Variants in CNTN3 observed in about 807,000 individuals in gnomAD.
The protein encoded by CNTN3 is contactin 3.
Under a neutral mutation model 119.1 loss-of-function variants are expected in CNTN3, and 60 were observed. The observed-to-expected ratio is 0.50, with a 90% CI of 0.41 to 0.62. The LOEUF (loss-of-function observed/expected upper bound fraction) is 0.62. Among genes scored for constraint, CNTN3 ranks in the 20% least tolerant of loss-of-function variants. The pLI is 0.00. For synonymous variants in CNTN3, 450 were observed against 438.7 expected (o/e 1.03, Z -0.32); for missense variants, 1,101 against 1,242.4 (o/e 0.89, Z 1.71).
At chr3:74,536,916 G>C (rs545155022) in intron 1 of CNTN3, among the ~76,000 whole-genome samples, 2 of 151,920 alleles carry the variant, frequency 1.3e-5, no homozygotes, top group Admixed American at 1.3e-4. Context: ...TGAGCTGCCA[G>C]GTGCCTACCC....
chr3:74,278,472 A>T (rs1308065142), intron 20 of CNTN3, among the ~76,000 whole-genome samples: 1 of 152,148 alleles, frequency 6.6e-6, no homozygotes, highest in African/African-American at 2.4e-5. Flanking sequence ...CAGCCAACTG[A>T]TCTCCAACAA....
chr3:74,536,612 T>C (rs1393375743), intron 1 of CNTN3, among the ~76,000 whole-genome samples: 1 of 152,132 alleles, frequency 6.6e-6, no homozygotes, highest in East Asian at 1.9e-4. Flanking sequence ...GTAATAAATA[T>C]GCTCCTGGAA....
intron 13 of CNTN3, among the ~76,000 whole-genome samples, chr3:74,305,100 A>T (rs492286): frequency 0.41 from 63,077 of 152,124 alleles, 15,855 homozygotes; most frequent in East Asian, 0.72. Flanking sequence ...CACATGGCCC[A>T]TGCTTTCTAG....
At position 74,353,912 on chromosome 3, in the gene CNTN3, C is replaced by T. The variant is rs188107378; in HGVS notation, c.1364+7978G>A. Among the ~76,000 whole-genome samples the T allele has an allele frequency of 3.3e-5, 5 of 152,116 alleles. No individual in the cohort carries two copies. In the South Asian group the frequency reaches 1.0e-3, roughly 32 times the overall value. On this transcript the variant is annotated intron_variant, in intron 11 of 22. Transcript: ENST00000263665. Reference sequence around the variant, plus strand: ...ATCATGGGCTACAGCAGGTCCCTCACCCCAAAAATCCTTCTGTGTCCCTGA... The same window carrying T: ...ATCATGGGCTACAGCAGGTCCCTCATCCCAAAAATCCTTCTGTGTCCCTGA...
At chr3:74,325,962 A>C (rs927245706) in intron 13 of CNTN3, among the ~76,000 whole-genome samples, 1 of 152,124 alleles carries the variant, frequency 6.6e-6, no homozygotes, top group Non-Finnish European at 1.5e-5. Flanking sequence ...AACTATTCTT[A>C]TCCCTACTTG....
At chr3:74,292,565 C>T (rs1702253320) in intron 19 of CNTN3, among the ~76,000 whole-genome samples, 1 of 152,090 alleles carries the variant, frequency 6.6e-6, no homozygotes, top group African/African-American at 2.4e-5. Flanking sequence ...AAAACTCCGT[C>T]TCAAAAATAA....
chr3:74,285,888 G>A (rs1249601978), intron 19 of CNTN3, among the ~76,000 whole-genome samples: 8 of 142,814 alleles, frequency 5.6e-5, no homozygotes, highest in African/African-American at 1.8e-4. Flanking sequence ...CCAATTTTCT[G>A]TAAGTATTGC....
intron 5 of CNTN3, among the ~76,000 whole-genome samples, chr3:74,411,221 A>AG (rs1379606397): frequency 2.6e-5 from 4 of 151,950 alleles, no homozygotes; most frequent in African/African-American, 4.8e-5. Context: ...TAGGTAAAAA[A>AG]AAAGTCACTC....
At chr3:74,471,185 G>A (rs1306937946) in intron 4 of CNTN3, among the ~76,000 whole-genome samples, 1 of 152,086 alleles carries the variant, frequency 6.6e-6, no homozygotes, top group African/African-American at 2.4e-5. Context: ...TCACACACCA[G>A]GGCCTGTGCA....
At chr3:74,488,244 C>T (rs1278767383) in intron 3 of CNTN3, among the ~76,000 whole-genome samples, 1 of 151,970 alleles carries the variant, frequency 6.6e-6, no homozygotes, top group Admixed American at 6.6e-5. Context: ...TCCAGAGTAG[C>T]TGGGACTACA....
chr3:74,298,113 T>G lies in CNTN3; in HGVS notation c.2245A>C (p.Ile749Leu). The G allele has an allele frequency of 6.2e-7, 1 of 1,613,848 alleles. No individual in the cohort carries two copies. Among genetic ancestry groups the G allele is most frequent in the African/African-American group, 1.3e-5 (1 of 75,026 alleles). ...AFRPLGVTTW[I>L]QTVVTSPDTP... Reference sequence around the variant, plus strand: ...TCAGGGGATGTCACCACTGTCTGGATCCAGGTGGTAACCCCAAGAGGGCGG... The same window carrying G: ...TCAGGGGATGTCACCACTGTCTGGAGCCAGGTGGTAACCCCAAGAGGGCGG... Residue 749 changes from isoleucine to leucine, a missense_variant, in exon 18 of 23, where the codon ATC becomes CTC. Ile to Leu is a conservative substitution (Grantham distance 5, BLOSUM62 2). Coordinates refer to ENST00000263665, the MANE Select transcript of CNTN3 (RefSeq NM_020872.3).
At chr3:74,317,978 T>C (rs555195663) in intron 13 of CNTN3, among the ~76,000 whole-genome samples, 6 of 152,222 alleles carry the variant, frequency 3.9e-5, no homozygotes, top group Non-Finnish European at 7.3e-5. Flanking sequence ...TGTACACCAA[T>C]CAGACGTAGA....
chr3:74,276,008 A>C (rs1701872074), intron 20 of CNTN3, among the ~76,000 whole-genome samples: 1 of 152,192 alleles, frequency 6.6e-6, no homozygotes, highest in Admixed American at 6.5e-5. Flanking sequence ...TATATCAAAC[A>C]AAACAAACTT....
chr3:74,475,812 G>T (rs1340166130), intron 4 of CNTN3, among the ~76,000 whole-genome samples: 1 of 152,116 alleles, frequency 6.6e-6, no homozygotes, highest in Non-Finnish European at 1.5e-5. Context: ...GTCATTCACA[G>T]GTACGTGCAG....
intron 1 of CNTN3, among the ~76,000 whole-genome samples, chr3:74,553,770 T>A (rs1704029012): frequency 6.6e-6 from 1 of 152,148 alleles, no homozygotes; most frequent in African/African-American, 2.4e-5. Flanking sequence ...GTTGTTTGGT[T>A]TTTTTCTTGT....
At chr3:74,366,900 G>T (rs1306697475) in intron 8 of CNTN3, among the ~76,000 whole-genome samples, 1 of 145,454 alleles carries the variant, frequency 6.9e-6, no homozygotes, top group Non-Finnish European at 1.5e-5. Flanking sequence ...ATCAGCCTGA[G>T]ATGGAACATG....
intron 2 of CNTN3, among the ~76,000 whole-genome samples, chr3:74,509,917 T>G (rs1177902438): frequency 6.6e-6 from 1 of 151,992 alleles, no homozygotes; most frequent in Non-Finnish European, 1.5e-5. Flanking sequence ...TGTACTTGTT[T>G]TTCACTCTTA....
intron 13 of CNTN3, among the ~76,000 whole-genome samples, chr3:74,313,746 C>A (rs547225403): frequency 6.6e-6 from 1 of 152,158 alleles, no homozygotes; most frequent in East Asian, 1.9e-4. Context: ...GCAAAGCTGG[C>A]CTTGTATGTA....
At chr3:74,424,346 A>G (rs1158806210) in intron 5 of CNTN3, among the ~76,000 whole-genome samples, 1 of 151,530 alleles carries the variant, frequency 6.6e-6, no homozygotes, top group Non-Finnish European at 1.5e-5. Flanking sequence ...CCAACGCCCC[A>G]ATGTAAATGA....
Sources: gnomAD v4.1 joint callset for allele counts (sites outside exome capture counted in the v4.1 genomes callset) on GRCh38, gnomAD v4.1.1 for gene constraint, MANE v1.5 for transcripts, NCBI Gene and HGNC (gene_info 2026-07-23, HGNC 2026-07-21) for gene names.